Variants in CEBPZ observed in about 807,000 individuals in gnomAD.
The protein encoded by CEBPZ is CCAAT/enhancer-binding protein zeta.
In CEBPZ, 78 loss-of-function variants were observed where a neutral mutation model predicts 104.5. That is an observed-to-expected ratio of 0.75 (90% CI 0.62 to 0.90). The LOEUF (loss-of-function observed/expected upper bound fraction) is 0.90, where lower values mean the gene tolerates loss of function less well. CEBPZ is among the 40% of genes least tolerant of loss of function. The pLI is 0.00. For synonymous variants in CEBPZ, 470 were observed against 427.0 expected, an observed-to-expected ratio of 1.10 and a Z score of -1.24; for missense variants, 1,439 against 1,233.5, an observed-to-expected ratio of 1.17 and a Z score of -2.50.
chr2:37,209,414 CAA>C (rs796536578), intron 13 of CEBPZ: 1 of 152,082 alleles, frequency 6.6e-6, no homozygotes, highest in South Asian at 2.1e-4. Flanking sequence ...CTATTGTTAC[CAA>C]AATAGCATGG....
In CEBPZ at chr2:37,214,028, G is replaced by A. The variant is rs935148395; in HGVS notation, c.2448-67C>T. 9 of 846,710 alleles carry A rather than the reference G, an allele frequency of 1.1e-5. No homozygotes were observed. The Middle Eastern group carries it at 1.1e-3, about 100-fold the overall frequency. The allele number at this position is 846,710 out of a possible 1,614,324, so 52.4% of individuals were successfully genotyped here. On this transcript the variant is annotated intron_variant, in intron 9 of 15. Transcript: ENST00000234170. Reference sequence around the variant, plus strand: ...TCTAATCTTACTATATATCATCAAAGCACCTATGACCAGTGGCAAACCACA... The same window carrying A: ...TCTAATCTTACTATATATCATCAAAACACCTATGACCAGTGGCAAACCACA...
rs756382535 is a variant in CEBPZ at position 37,216,420 on chromosome 2, T to C, written c.2209-2A>G. ...CCCTGAATACTGAATATAGTTTCCC[T>C]GAAAAGTGGAGCGGGGATTTAAAAA... is the stretch of plus-strand genomic sequence containing the variant. On this transcript the variant is annotated splice_acceptor_variant, in intron 6 of 15. Coordinates refer to ENST00000234170, the MANE Select transcript of CEBPZ (RefSeq NM_005760.3). LOFTEE classifies it high-confidence loss of function. 1 of 1,597,428 alleles carries C rather than the reference T, an allele frequency of 6.3e-7. No individual in the cohort carries two copies. Among genetic ancestry groups the C allele is most frequent in the Non-Finnish European group, 8.6e-7 (1 of 1,169,572 alleles).
At position 37,227,888 on chromosome 2, in the gene CEBPZ, G is replaced by C; in HGVS notation, c.1305C>G (p.Ser435=). Residue 435 remains serine (S), a synonymous_variant, in exon 2 of 16, where the codon TCC becomes TCG. Transcript: ENST00000234170. Reference sequence around the variant, plus strand: ...AGCAAATTGCATAATATTGAGCTTTGGAGCTGATATTTGAGCGGAAGAGTA... The same window carrying C: ...AGCAAATTGCATAATATTGAGCTTTCGAGCTGATATTTGAGCGGAAGAGTA... ...ERLLFRSNIS[S]KAQYYAICFL... 1 of 1,614,112 alleles carries C rather than the reference G, an allele frequency of 6.2e-7. No homozygotes were observed. The highest frequency in any genetic ancestry group is 1.7e-5 in the Admixed American group (1 of 60,020).
intron 15 of CEBPZ, 37 bp downstream of exon 15, chr2:37,202,747 T>C: frequency 1.6e-6 from 2 of 1,270,256 alleles, no homozygotes; most frequent in South Asian, 2.9e-5. Context: ...GCCAAAGCTA[T>C]TTTTAAAACA....
chr2:37,214,877 G>A lies in CEBPZ; in HGVS notation c.2447+9C>T. ...GTTTCCCCAAATGAAACTATATTAT[G>A]TATAGTACCTGTGGAAAAACACTTC... On this transcript the variant is annotated intron_variant, in intron 9 of 15. Coordinates refer to ENST00000234170, the MANE Select transcript of CEBPZ (RefSeq NM_005760.3). 2 of 1,569,994 alleles carry A rather than the reference G, an allele frequency of 1.3e-6. No individual in the cohort carries two copies. The highest frequency in any genetic ancestry group is 2.2e-5 in the East Asian group (1 of 44,618).
Position 37,212,394 on chromosome 2 carries a change from T to C in CEBPZ, c.2546-2A>G. On this transcript the variant is annotated splice_acceptor_variant, in intron 10 of 15. Coordinates refer to ENST00000234170, the MANE Select transcript of CEBPZ (RefSeq NM_005760.3). LOFTEE classifies it high-confidence loss of function. The stretch of plus-strand genomic sequence containing the variant: ...AACAGTTATCATCTTCAAATGTGTC[T>C]GCCAGACAATACAGAAATGTGAGAT... The C allele has an allele frequency of 6.2e-7, 1 of 1,612,052 alleles. No individual in the cohort carries two copies. The highest frequency in any genetic ancestry group is 1.1e-5 in the South Asian group (1 of 91,002).
intron 1 of CEBPZ, among the ~76,000 whole-genome samples, chr2:37,229,467 C>G (rs921991696): frequency 1.3e-5 from 2 of 152,030 alleles, no homozygotes; most frequent in African/African-American, 4.8e-5. Context: ...TTAGACAAAT[C>G]CACATTAAAA....
rs1558476135 is a variant in CEBPZ, at chr2:37,222,419, G to A, written c.2026C>T (p.Pro676Ser). 6.3e-7 allele frequency: 1 copy of A among 1,598,302 alleles called. No individual in the cohort carries two copies. Among genetic ancestry groups the A allele is most frequent in the Admixed American group, 1.8e-5 (1 of 56,676 alleles). The change falls in exon 4 of 16, where the codon CCA (proline) becomes TCA (serine). Residue 676 changes from proline (P) to serine (S), a missense_variant. By Grantham distance (74) the Pro-to-Ser change is moderately conservative. Transcript: ENST00000234170. ...VPETDVETKK[P>S]EVASWVHFDN... The stretch of plus-strand genomic sequence containing the variant: ...AAGTGCACCCAGGAAGCAACCTCTG[G>A]TTTTTTGGTTTCTACATCAGTTTCA...
chr2:37,212,230 G>A, intron 11 of CEBPZ, 105 bp downstream of exon 11: 3 of 1,102,186 alleles, frequency 2.7e-6, no homozygotes, highest in Non-Finnish European at 4.0e-6. Context: ...AAACTTACTT[G>A]ACTACATTTC....
intron 5 of CEBPZ, among the ~76,000 whole-genome samples, chr2:37,219,875 T>A (rs532262612): frequency 6.6e-5 from 10 of 152,298 alleles, no homozygotes; most frequent in African/African-American, 2.4e-4. Context: ...ATGCATGACA[T>A]CCTTATTTTA....
intron 5 of CEBPZ, 109 bp downstream of exon 5, chr2:37,220,276 C>G: frequency 3.5e-6 from 1 of 285,324 alleles, no homozygotes; most frequent in Non-Finnish European, 6.4e-6. Flanking sequence ...ACAATCATGC[C>G]ACTGCACTCC....
intron 13 of CEBPZ, chr2:37,210,269 C>T (rs1461667358): frequency 6.6e-6 from 1 of 152,236 alleles, no homozygotes; most frequent in East Asian, 1.9e-4. Flanking sequence ...AGCAATCCCA[C>T]CACTGGGTAC....
chr2:37,230,752 T>C (rs185334100), intron 1 of CEBPZ, among the ~76,000 whole-genome samples: 127 of 152,314 alleles, frequency 8.3e-4, no homozygotes, highest in Non-Finnish European at 6.3e-4. Context: ...TGGAATAGGT[T>C]AGGCACTCTT....
At chr2:37,205,607 T>G (rs1369137544) in intron 13 of CEBPZ, among the ~76,000 whole-genome samples, 1 of 152,246 alleles carries the variant, frequency 6.6e-6, no homozygotes. Flanking sequence ...AAAGCCTGTT[T>G]GGTGGTCTCT....
At chr2:37,222,724 AGAG>A (rs1264578780) in intron 3 of CEBPZ, among the ~76,000 whole-genome samples, 161 bp from the exon 4 acceptor site, 4 of 152,230 alleles carry the variant, frequency 2.6e-5, no homozygotes, top group African/African-American at 9.6e-5. Context: ...TTTAAACAAG[AGAG>A]GAGATTACAT....
intron 2 of CEBPZ, 45 bp downstream of exon 2, chr2:37,227,496 ACAT>A: frequency 1.3e-6 from 2 of 1,538,000 alleles, no homozygotes; most frequent in Middle Eastern, 2.1e-4. Context: ...GTGCTGTACT[ACAT>A]CAAGTTATTA....
At chr2:37,203,054 AT>A in intron 13 of CEBPZ, 46 bp from the exon 14 acceptor site, 1 of 1,299,116 alleles carries the variant, frequency 7.7e-7, no homozygotes, top group Non-Finnish European at 1.1e-6. Flanking sequence ...AAATCTAATG[AT>A]TTTAGAAAAA....
chr2:37,211,730 A>G (rs967430348), intron 12 of CEBPZ, 113 bp downstream of exon 12: 5 of 715,826 alleles, frequency 7.0e-6, no homozygotes, highest in African/African-American at 1.8e-5. Context: ...TCTGGCTGAC[A>G]TGAGTATTAA....
intron 4 of CEBPZ, among the ~76,000 whole-genome samples, chr2:37,221,186 CG>C (rs1664764207): frequency 7.0e-6 from 1 of 143,138 alleles, no homozygotes; most frequent in African/African-American, 2.5e-5. Flanking sequence ...CCTGGTGGCA[CG>C]AGCCTGTAGT....
Sources: allele counts gnomAD v4.1 joint callset (sites outside exome capture counted in the v4.1 genomes callset), GRCh38; gene constraint gnomAD v4.1.1; transcripts MANE v1.5; gene names NCBI Gene and HGNC (gene_info 2026-07-23, HGNC 2026-07-21).